Variants in EYA2 observed in about 807,000 individuals in gnomAD.
EYA2 encodes protein phosphatase EYA2.
A neutral mutation model predicts 69.2 loss-of-function variants in EYA2; 31 were observed. The ratio of observed to expected loss-of-function variants is 0.45; its 90% CI spans 0.34 to 0.60. EYA2 has a LOEUF of 0.60. Among genes scored for constraint, EYA2 ranks in the 20% least tolerant of loss-of-function variants. The pLI is 0.02. For missense variants in EYA2, 622 were observed against 701.2 expected, an observed-to-expected ratio of 0.89 and a Z score of 1.28; for synonymous variants, 257 against 279.4, an observed-to-expected ratio of 0.92 and a Z score of 0.80.
At chr20:47,121,023 G>A (rs865892999) in intron 9 of EYA2, among the ~76,000 whole-genome samples, 1 of 152,146 alleles carries the variant, frequency 6.6e-6, no homozygotes, top group Non-Finnish European at 1.5e-5. Context: ...GAACCATCTA[G>A]CCCTTGCAGT....
intron 5 of EYA2, among the ~76,000 whole-genome samples, chr20:47,057,135 GAGGGAGGAAGGAAGGA>G (rs959652861): frequency 1.8e-5 from 2 of 113,290 alleles, no homozygotes; most frequent in African/African-American, 7.3e-5. Flanking sequence ...AGACAGGAAG[GAGGGAGGAAGGAAGGA>G]AGGAAGGAAG....
intron 9 of EYA2, among the ~76,000 whole-genome samples, chr20:47,104,379 AG>A (rs887622346): frequency 1.5e-4 from 23 of 152,066 alleles, no homozygotes. Flanking sequence ...TCATTCTGTG[AG>A]TTGTCTTTCC....
At chr20:46,902,877 G>A (rs1316128884) in intron 1 of EYA2, among the ~76,000 whole-genome samples, 1 of 152,218 alleles carries the variant, frequency 6.6e-6, no homozygotes, top group Non-Finnish European at 1.5e-5. Context: ...CATACGGCCT[G>A]CAAAGACTAT....
intron 5 of EYA2, among the ~76,000 whole-genome samples, chr20:47,062,722 G>C (rs2030939868): frequency 6.6e-6 from 1 of 152,162 alleles, no homozygotes; most frequent in South Asian, 2.1e-4. Context: ...GTCCAGAAGA[G>C]CCTTCTGCGG....
intron 1 of EYA2, among the ~76,000 whole-genome samples, chr20:46,900,102 A>T (rs1984020374): frequency 1.3e-5 from 2 of 152,050 alleles, no homozygotes; most frequent in Admixed American, 1.3e-4. Flanking sequence ...TTTCCTTTTG[A>T]GTATCTAGTA....
intron 5 of EYA2, among the ~76,000 whole-genome samples, chr20:47,026,608 C>G (rs1373962603): frequency 6.6e-6 from 1 of 152,168 alleles, no homozygotes; most frequent in African/African-American, 2.4e-5. Context: ...TTCTACTAGT[C>G]TATGGATTGA....
chr20:47,180,744 C>A, intron 13 of EYA2, 71 bp from the exon 14 acceptor site: 1 of 1,574,204 alleles, frequency 6.4e-7, no homozygotes, highest in Non-Finnish European at 8.6e-7. Flanking sequence ...CAACTGCAGG[C>A]TCATGCAGCA....
At chr20:47,056,158 T>A (rs1292109608) in intron 5 of EYA2, among the ~76,000 whole-genome samples, 2 of 152,208 alleles carry the variant, frequency 1.3e-5, no homozygotes, top group Non-Finnish European at 2.9e-5. Flanking sequence ...AGATGTGGGC[T>A]AGACTCCACG....
chr20:47,049,860 A>ACCC lies in EYA2; in HGVS notation c.416-22317_416-22315dup, dbSNP rs57648069. On this transcript the variant is annotated intron_variant, in intron 5 of 15. Coordinates refer to ENST00000327619, the MANE Select transcript of EYA2 (RefSeq NM_005244.5). ...CTCTCTAGGCTCCCATCTGTGACAG[A>ACCC]CCCCCCCCCCACCGCCACCAGTCTG... 4.9e-3 allele frequency among the ~76,000 whole-genome samples: 619 copies of ACCC among 126,226 alleles called. 2 individuals carry two copies. Among genetic ancestry groups the ACCC allele is most frequent in the Non-Finnish European group, 7.0e-3 (419 of 59,688 alleles). 82.8% of individuals were successfully genotyped at this position (126,226 alleles called of 152,430 possible). A position where few individuals can be genotyped will look rare whatever the true frequency, so the allele number is the denominator to read the frequency against.
intron 1 of EYA2, among the ~76,000 whole-genome samples, chr20:46,952,305 T>C (rs907595536): frequency 2.0e-5 from 3 of 151,948 alleles, no homozygotes; most frequent in African/African-American, 7.3e-5. Flanking sequence ...GTGTGAGAGA[T>C]GGAGGGTGGC....
At chr20:47,114,898 C>T (rs2032848807) in intron 9 of EYA2, among the ~76,000 whole-genome samples, 2 of 152,202 alleles carry the variant, frequency 1.3e-5, no homozygotes, top group Admixed American at 1.3e-4. Context: ...GAAGTACCTG[C>T]TCCCACTTGG....
chr20:47,126,600 C>T (rs2033198142), intron 9 of EYA2, among the ~76,000 whole-genome samples: 1 of 152,174 alleles, frequency 6.6e-6, no homozygotes, highest in Non-Finnish European at 1.5e-5. Flanking sequence ...TTTAGTTCAT[C>T]TCTTAGTTAG....
chr20:46,925,596 T>C (rs1183292352), intron 1 of EYA2, among the ~76,000 whole-genome samples: 1 of 152,166 alleles, frequency 6.6e-6, no homozygotes, highest in African/African-American at 2.4e-5. Flanking sequence ...ATGTTCGATC[T>C]CACTTAAAAA....
chr20:46,976,942 A>G (rs1211970968), intron 1 of EYA2, among the ~76,000 whole-genome samples: 4 of 152,184 alleles, frequency 2.6e-5, no homozygotes, highest in African/African-American at 4.8e-5. Context: ...ACAACATGGA[A>G]CCCCTGAGGA....
chr20:47,061,508 C>T (rs754966308), intron 5 of EYA2, among the ~76,000 whole-genome samples: 17 of 151,774 alleles, frequency 1.1e-4, no homozygotes, highest in South Asian at 2.1e-4. Context: ...TCAGCCTTGG[C>T]GACAGAGGGA....
At chr20:46,957,929 C>T (rs951679789) in intron 1 of EYA2, among the ~76,000 whole-genome samples, 2 of 152,148 alleles carry the variant, frequency 1.3e-5, no homozygotes, top group African/African-American at 4.8e-5. Context: ...AACTACATTC[C>T]CTGCTCTCCC....
chr20:47,065,726 A>C (rs2031084236), intron 5 of EYA2, among the ~76,000 whole-genome samples: 1 of 152,222 alleles, frequency 6.6e-6, no homozygotes, highest in Non-Finnish European at 1.5e-5. Flanking sequence ...TAATAAACAC[A>C]GTGGCTTTCA....
chr20:47,089,140 C>T (rs372381955), intron 7 of EYA2, 99 bp from the exon 8 acceptor site: 73 of 1,421,500 alleles, frequency 5.1e-5, no homozygotes, highest in African/African-American at 3.4e-4. Context: ...TGCCTTGGAA[C>T]CCACTGCTTT....
intron 9 of EYA2, among the ~76,000 whole-genome samples, chr20:47,136,741 CAA>C (rs11482117): frequency 4.9e-4 from 53 of 108,072 alleles, no homozygotes; most frequent in Admixed American, 9.1e-4. Context: ...GACCCTGTCT[CAA>C]AAAAAAAAAA....
Sources: allele counts gnomAD v4.1 joint callset (sites outside exome capture counted in the v4.1 genomes callset), GRCh38; gene constraint gnomAD v4.1.1; transcripts MANE v1.5; gene names NCBI Gene and HGNC (gene_info 2026-07-23, HGNC 2026-07-21).